Variants in AUTS2 observed in about 807,000 individuals in gnomAD.
AUTS2 encodes the protein activator of transcription and developmental regulator AUTS2, also known as autism susceptibility gene 2 protein.
Under a neutral mutation model 112.4 loss-of-function variants are expected in AUTS2, and 17 were observed. The observed-to-expected ratio is 0.15, with a 90% CI of 0.10 to 0.23. The LOEUF (loss-of-function observed/expected upper bound fraction) is 0.23, where lower values mean the gene tolerates loss of function less well. Ranked by LOEUF, AUTS2 falls within the 10% of genes least tolerant of loss-of-function variation. The probability of loss-of-function intolerance (pLI) is 1.00; values close to 1 mark genes in which losing one functional copy is unlikely to be tolerated. For missense variants in AUTS2, 1,510 were observed against 1,701.6 expected (o/e 0.89, Z 1.98); for synonymous variants, 751 against 702.7 (o/e 1.07, Z -1.09).
intron 4 of AUTS2, among the ~76,000 whole-genome samples, chr7:70,136,694 C>G (rs2129575026): frequency 6.6e-6 from 1 of 152,316 alleles, no homozygotes; most frequent in Non-Finnish European, 1.5e-5. Context: ...CCTTACTCCT[C>G]TTCAGCATGT....
chr7:70,385,650 C>T (rs766904488), intron 4 of AUTS2, among the ~76,000 whole-genome samples: 10 of 152,170 alleles, frequency 6.6e-5, no homozygotes, highest in Admixed American at 2.0e-4. Flanking sequence ...GTGGGAAGAT[C>T]GCTTGAGCCC....
chr7:69,962,395 A>G (rs1015661437), intron 2 of AUTS2, among the ~76,000 whole-genome samples: 9 of 152,140 alleles, frequency 5.9e-5, no homozygotes, highest in Non-Finnish European at 1.0e-4. Flanking sequence ...GATGATATGC[A>G]CTTCTCCGTC....
intron 5 of AUTS2, among the ~76,000 whole-genome samples, chr7:70,697,650 A>G (rs1809199072): frequency 6.7e-6 from 1 of 148,720 alleles, no homozygotes; most frequent in South Asian, 2.1e-4. Flanking sequence ...CTGTGTATCA[A>G]GTGTGAAAGA....
intron 6 of AUTS2, among the ~76,000 whole-genome samples, chr7:70,755,430 C>T (rs556035148): frequency 1.6e-4 from 24 of 151,932 alleles, no homozygotes; most frequent in Non-Finnish European, 1.8e-4. Context: ...TTTGGGAGGC[C>T]GAGGCGGGGG....
chr7:69,619,687 C>A (rs2129089486), intron 1 of AUTS2, among the ~76,000 whole-genome samples: 1 of 152,270 alleles, frequency 6.6e-6, no homozygotes, highest in East Asian at 1.9e-4. Flanking sequence ...CCCGTCTGCC[C>A]ACTCATTCAT....
intron 4 of AUTS2, among the ~76,000 whole-genome samples, chr7:70,307,706 G>A (rs1477608191): frequency 6.6e-6 from 1 of 152,142 alleles, no homozygotes; most frequent in Admixed American, 6.5e-5. Context: ...CCCTCTACCA[G>A]CACTCCTTCC....
chr7:70,194,137 C>T (rs193059739), intron 4 of AUTS2, among the ~76,000 whole-genome samples: 13 of 152,258 alleles, frequency 8.5e-5, no homozygotes, highest in African/African-American at 1.4e-4. Flanking sequence ...GGGTTGGGTG[C>T]GGTGGCTCAC....
At chr7:70,330,278 GA>G (rs1403121092) in intron 4 of AUTS2, among the ~76,000 whole-genome samples, 2 of 152,116 alleles carry the variant, frequency 1.3e-5, no homozygotes, top group Non-Finnish European at 2.9e-5. Context: ...TTAGGCTGTT[GA>G]TCCACGTTGA....
chr7:69,612,594 G>A (rs538778365), intron 1 of AUTS2, among the ~76,000 whole-genome samples: 1 of 152,162 alleles, frequency 6.6e-6, no homozygotes, highest in South Asian at 2.1e-4. Context: ...TGAGTAGCTG[G>A]GACCACAGGC....
intron 1 of AUTS2, among the ~76,000 whole-genome samples, chr7:69,719,414 G>C (rs541501702): frequency 6.6e-6 from 1 of 152,110 alleles, no homozygotes; most frequent in South Asian, 2.1e-4. Flanking sequence ...AGATTTAATA[G>C]GAGGCTTTAA....
intron 1 of AUTS2, among the ~76,000 whole-genome samples, chr7:69,726,673 A>G (rs1391392377): frequency 6.6e-6 from 1 of 152,178 alleles, no homozygotes; most frequent in African/African-American, 2.4e-5. Context: ...CCTGCATTGT[A>G]TGAGAGTTCT....
intron 1 of AUTS2, among the ~76,000 whole-genome samples, chr7:69,839,723 A>G (rs1360273682): frequency 6.6e-6 from 1 of 152,154 alleles, no homozygotes; most frequent in Non-Finnish European, 1.5e-5. Context: ...TTAAGGCAGA[A>G]GAATCACATC....
intron 6 of AUTS2, among the ~76,000 whole-genome samples, chr7:70,761,249 T>C (rs1368485978): frequency 6.6e-6 from 1 of 152,196 alleles, no homozygotes; most frequent in Non-Finnish European, 1.5e-5. Context: ...GGAGCTGTAG[T>C]GTGCTGTGAT....
intron 1 of AUTS2, among the ~76,000 whole-genome samples, chr7:69,618,232 T>G (rs1793480705): frequency 6.6e-6 from 1 of 152,128 alleles, no homozygotes; most frequent in African/African-American, 2.4e-5. Context: ...TGGAATATGC[T>G]CCCCTCGCCT....
intron 1 of AUTS2, among the ~76,000 whole-genome samples, chr7:69,883,914 G>T (rs544558064): frequency 6.6e-6 from 1 of 152,300 alleles, no homozygotes; most frequent in East Asian, 1.9e-4. Flanking sequence ...GTTTTCATAG[G>T]CTGTGATGGG....
At chr7:70,207,297 C>T (rs1810621981) in intron 4 of AUTS2, among the ~76,000 whole-genome samples, 1 of 152,168 alleles carries the variant, frequency 6.6e-6, no homozygotes, top group South Asian at 2.1e-4. Flanking sequence ...CCAGTCTCTT[C>T]TCACACTGTC....
chr7:70,327,010 T>C (rs1790521115), intron 4 of AUTS2, among the ~76,000 whole-genome samples: 1 of 150,434 alleles, frequency 6.6e-6, no homozygotes, highest in Non-Finnish European at 1.5e-5. Flanking sequence ...CTCCACCTTC[T>C]GGGTTCAAGT....
At chr7:69,759,353 C>T (rs1038168147) in intron 1 of AUTS2, among the ~76,000 whole-genome samples, 7 of 151,812 alleles carry the variant, frequency 4.6e-5, no homozygotes, top group South Asian at 4.2e-4. Flanking sequence ...GCCTCATACA[C>T]GTAGCTGGAA....
At chr7:69,780,118 A>G (rs1789085208) in intron 1 of AUTS2, among the ~76,000 whole-genome samples, 2 of 152,098 alleles carry the variant, frequency 1.3e-5, no homozygotes, top group African/African-American at 2.4e-5. Flanking sequence ...GGCCTCCCCA[A>G]ATACTGGGAT....
Sources: gnomAD v4.1 joint callset for allele counts (sites outside exome capture counted in the v4.1 genomes callset) on GRCh38, gnomAD v4.1.1 for gene constraint, MANE v1.5 for transcripts, NCBI Gene and HGNC (gene_info 2026-07-23, HGNC 2026-07-21) for gene names.